The following MDM4 variants were observed in gnomAD, a reference collection of about 807,000 sequenced individuals.
MDM4 encodes the protein protein Mdm4.
A neutral mutation model predicts 60.2 loss-of-function variants in MDM4; 2 were observed. The ratio of observed to expected loss-of-function variants is 0.03; its 90% CI spans 0.01 to 0.10. The LOEUF (loss-of-function observed/expected upper bound fraction) is 0.10. Ranked by LOEUF, MDM4 falls within the 10% of genes least tolerant of loss-of-function variation. The pLI is 1.00. For missense variants in MDM4, 447 were observed against 577.5 expected (o/e 0.77, Z 2.32); for synonymous variants, 202 against 198.1 (o/e 1.02, Z -0.17).
chr1:204,527,703 T>C (rs1285992938), intron 3 of MDM4, among the ~76,000 whole-genome samples: 5 of 152,258 alleles, frequency 3.3e-5, no homozygotes, highest in Non-Finnish European at 2.9e-5. Context: ...TTTAAACACA[T>C]GCATTTAAAT....
At chr1:204,524,887 T>C (rs1659960848) in intron 1 of MDM4, among the ~76,000 whole-genome samples, 1 of 152,264 alleles carries the variant, frequency 6.6e-6, no homozygotes, top group Admixed American at 6.5e-5. Context: ...TTTCACTTCA[T>C]GCTACATCTT....
chr1:204,548,498 C>T (rs1264166618), intron 10 of MDM4, among the ~76,000 whole-genome samples: 1 of 152,132 alleles, frequency 6.6e-6, no homozygotes, highest in Non-Finnish European at 1.5e-5. Context: ...ATTTAAAATT[C>T]ATTGAGATCT....
chr1:204,538,335 A>G (rs1661632333), intron 7 of MDM4, 27 bp downstream of exon 7: 7 of 1,220,996 alleles, frequency 5.7e-6, no homozygotes, highest in Non-Finnish European at 8.4e-6. Flanking sequence ...GGCTATATAG[A>G]CTTTTGTTCT....
intron 4 of MDM4, among the ~76,000 whole-genome samples, chr1:204,531,559 G>A (rs950924240): frequency 1.3e-5 from 2 of 152,206 alleles, no homozygotes; most frequent in Admixed American, 1.3e-4. Context: ...GCTGGGTGTG[G>A]TGGCTCAAGC....
intron 7 of MDM4, among the ~76,000 whole-genome samples, chr1:204,539,408 C>A (rs986696341): frequency 6.6e-6 from 1 of 151,798 alleles, no homozygotes; most frequent in African/African-American, 2.4e-5. Context: ...TGAGCATTCT[C>A]AATTTGAAAG....
At position 204,551,266 on chromosome 1, in the gene MDM4, A is replaced by G; in HGVS notation, c.*1584A>G. ...TTGCCATGTTGCCCAGGCTGGTCCC[A>G]AACTTCTAGCCTCAAGCAACCCTCC... is the stretch of plus-strand genomic sequence containing the variant. On this transcript the variant is annotated 3_prime_UTR_variant, in exon 11 of 11. Transcript: ENST00000367182. 4.4e-6 allele frequency: 1 copy of G among 225,536 alleles called. No individual in the cohort carries two copies. Among genetic ancestry groups the G allele is most frequent in the Non-Finnish European group, 8.8e-6 (1 of 113,280 alleles). The allele number at this position is 225,536 out of a possible 1,614,324, so 14.0% of individuals were successfully genotyped here. A position where few individuals can be genotyped will look rare whatever the true frequency, so the allele number is the denominator to read the frequency against.
rs2102314214 is a variant in MDM4, at chr1:204,525,568, G to A, written c.50G>A (p.Cys17Tyr). The change falls in exon 2 of 11, where the codon TGC becomes TAC. Residue 17 changes from cysteine to tyrosine, a missense_variant. Physicochemically the swap from Cys to Tyr is radical, Grantham distance 194. Transcript: ENST00000367182. ...CAGTGTTCAACATCTGACAGTGCTT[G>A]CAGGATCTCTCCTGGACAAATCAAT... ...SAQCSTSDSACRISPGQINQV... is the reference protein window; with the variant it reads ...SAQCSTSDSAYRISPGQINQV... The A allele has an allele frequency of 1.9e-6, 3 of 1,609,370 alleles. No homozygotes were observed. The highest frequency in any genetic ancestry group is 1.7e-6 in the Non-Finnish European group (2 of 1,177,424).
Position 204,557,991 on chromosome 1 carries a change from A to T in MDM4, c.*8309A>T, listed in dbSNP as rs1176832221. The T allele has an allele frequency of 5.4e-6, 1 of 185,608 alleles. No homozygotes were observed. 11.5% of individuals were successfully genotyped at this position (185,608 alleles called of 1,614,324 possible). ...GAGGAAAGAGGAAGGCATTTTCTGC[A>T]TTCTTGCCTAGTTTTCCTTATAAGC... On this transcript the variant is annotated 3_prime_UTR_variant, in exon 11 of 11. Coordinates refer to ENST00000367182, the MANE Select transcript of MDM4 (RefSeq NM_002393.5).
intron 9 of MDM4, among the ~76,000 whole-genome samples, chr1:204,546,346 C>T (rs749131444): frequency 4.1e-4 from 62 of 152,104 alleles, no homozygotes; most frequent in Non-Finnish European, 5.9e-4. Context: ...GGACTACAGG[C>T]GTGCACCACC....
chr1:204,543,643 T>C (rs763008668), intron 8 of MDM4, among the ~76,000 whole-genome samples: 22 of 152,260 alleles, frequency 1.4e-4, no homozygotes, highest in Admixed American at 9.2e-4. Flanking sequence ...AAGGCTATTA[T>C]GTTACACAGT....
intron 1 of MDM4, chr1:204,525,267 G>A: frequency 1.1e-6 from 1 of 933,834 alleles, no homozygotes; most frequent in East Asian, 1.2e-4. Context: ...GCCTTCACCT[G>A]AGAGAAGCTT....
At chr1:204,532,726 A>G (rs1660994417) in intron 5 of MDM4, 1 of 1,601,406 alleles carries the variant, frequency 6.2e-7, no homozygotes, top group Non-Finnish European at 8.5e-7. Flanking sequence ...TAATCTATAA[A>G]ACTTAACTTT....
intron 5 of MDM4, among the ~76,000 whole-genome samples, chr1:204,534,355 A>AT (rs1661173839): frequency 1.3e-5 from 2 of 152,286 alleles, no homozygotes; most frequent in South Asian, 2.1e-4. Flanking sequence ...ATAATTGCTG[A>AT]TCTACTTTTT....
rs1663181761 is a variant in MDM4 at position 204,551,345 on chromosome 1, C to T, written c.*1663C>T. On this transcript the variant is annotated 3_prime_UTR_variant, in exon 11 of 11. Coordinates refer to ENST00000367182, the MANE Select transcript of MDM4 (RefSeq NM_002393.5). ...GCAGTCCTGAGCTACTGCCCCCTACCCTCTTTGCGTCTTAGGAGTCATTTA... is the reference window on the plus strand; with the variant it reads ...GCAGTCCTGAGCTACTGCCCCCTACTCTCTTTGCGTCTTAGGAGTCATTTA... 1 of 231,790 alleles carries T rather than the reference C, an allele frequency of 4.3e-6. No individual in the cohort carries two copies. The highest frequency in any genetic ancestry group is 1.8e-4 in the South Asian group (1 of 5,518). 14.4% of individuals were successfully genotyped at this position (231,790 alleles called of 1,614,324 possible). A position where few individuals can be genotyped will look rare whatever the true frequency, so the allele number is the denominator to read the frequency against.
chr1:204,517,619 C>G (rs1413374024), intron 1 of MDM4, among the ~76,000 whole-genome samples: 3 of 151,986 alleles, frequency 2.0e-5, no homozygotes, highest in Non-Finnish European at 4.4e-5. Flanking sequence ...CCAGGCTGTT[C>G]TCGAACTCCA....
chr1:204,547,484 A>G (rs1008642351), intron 10 of MDM4, among the ~76,000 whole-genome samples: 8 of 152,192 alleles, frequency 5.3e-5, no homozygotes. Context: ...GCCACAGGTA[A>G]CACACTATGG....
At chr1:204,543,713 C>T (rs2102423754) in intron 8 of MDM4, among the ~76,000 whole-genome samples, 2 of 151,180 alleles carry the variant, frequency 1.3e-5, no homozygotes, top group East Asian at 3.9e-4. Flanking sequence ...GGTGGCCCTG[C>T]CAAACCCATC....
chr1:204,533,355 G>A (rs1051336011), intron 5 of MDM4, among the ~76,000 whole-genome samples: 2 of 152,170 alleles, frequency 1.3e-5, no homozygotes, highest in Non-Finnish European at 2.9e-5. Flanking sequence ...GCCCAAGTTA[G>A]TAATCTTTTT....
Position 204,549,725 on chromosome 1 carries a change from C to A in MDM4, c.*43C>A. On this transcript the variant is annotated 3_prime_UTR_variant, in exon 11 of 11. Coordinates refer to ENST00000367182, the MANE Select transcript of MDM4 (RefSeq NM_002393.5). The stretch of plus-strand genomic sequence containing the variant: ...AAATGCATTTATTCCGTTCACTTAC[C>A]ACATTATTTGAAAATCAATCCTTTA... 1.8e-6 allele frequency: 2 copies of A among 1,101,252 alleles called. No individual in the cohort carries two copies. Among genetic ancestry groups the A allele is most frequent in the South Asian group, 1.7e-5 (1 of 57,268 alleles). The allele number at this position is 1,101,252 out of a possible 1,614,324, so 68.2% of individuals were successfully genotyped here.
Sources: gnomAD v4.1 joint callset for allele counts (sites outside exome capture counted in the v4.1 genomes callset) on GRCh38, gnomAD v4.1.1 for gene constraint, MANE v1.5 for transcripts, NCBI Gene and HGNC (gene_info 2026-07-23, HGNC 2026-07-21) for gene names.